The following TTN variants were observed in gnomAD, a reference collection of about 807,000 sequenced individuals.
TTN encodes the protein titin.
Under a neutral mutation model 3,223.0 loss-of-function variants are expected in TTN, and 1,525 were observed. The observed-to-expected ratio is 0.47, with a 90% CI of 0.45 to 0.49. TTN has a LOEUF of 0.49. Among genes scored for constraint, TTN ranks in the 20% least tolerant of loss-of-function variants. The probability of loss-of-function intolerance (pLI) is 0.00; values close to 1 mark genes in which losing one functional copy is unlikely to be tolerated. For synonymous variants in TTN, 14,094 were observed against 15,161.0 expected (o/e 0.93, Z 5.17); for missense variants, 40,786 against 43,424.0 (o/e 0.94, Z 5.40).
chr2:178,731,987 A>T lies in TTN; in HGVS notation c.16904-16T>A. The T allele has an allele frequency of 3.1e-6, 5 of 1,595,854 alleles. No homozygotes were observed. The highest frequency in any genetic ancestry group is 3.4e-6 in the Non-Finnish European group (4 of 1,168,716). On this transcript the variant is annotated splice_polypyrimidine_tract_variant and intron_variant, in intron 57 of 362. Transcript: ENST00000589042. Reference sequence around the variant, plus strand: ...TAAGGTGACTCTACAGTAAAAAAGGAATGATTTGCATTAAGGGAGGAGGGG... The same window carrying T: ...TAAGGTGACTCTACAGTAAAAAAGGTATGATTTGCATTAAGGGAGGAGGGG...
Position 178,632,358 on chromosome 2 carries a change from T to G in TTN, c.43536A>C (p.Glu14512Asp), listed in dbSNP as rs776208084. ...PLKDVTAKEK[E>D]SAVFTVELSH... Reference sequence around the variant, plus strand: ...ATAACTCCACAGTAAATACAGCACTTTCCTTCTCTTTGGCAGTTACATCTT... The same window carrying G: ...ATAACTCCACAGTAAATACAGCACTGTCCTTCTCTTTGGCAGTTACATCTT... The change falls in exon 236 of 363, where the codon GAA becomes GAC. Residue 14512 changes from glutamate to aspartate, a missense_variant. Glu to Asp is a conservative substitution (Grantham distance 45). Transcript: ENST00000589042. 6.2e-7 allele frequency: 1 copy of G among 1,604,550 alleles called. No individual in the cohort carries two copies. Among genetic ancestry groups the G allele is most frequent in the South Asian group, 1.1e-5 (1 of 89,142 alleles).
Position 178,619,866 on chromosome 2 carries a change from C to A in TTN, c.46451G>T (p.Arg15484Met), listed in dbSNP as rs72677229. The part of the protein sequence containing the change: ...FVEEIPVEII[R>M]PPQDILEAPG... Reference sequence around the variant, plus strand: ...GGCTTCAAGAATATCTTGTGGAGGCCTGATGATCTCAACAGGAATTTCTGG... The same window carrying A: ...GGCTTCAAGAATATCTTGTGGAGGCATGATGATCTCAACAGGAATTTCTGG... The change falls in exon 250 of 363, where the codon AGG becomes ATG. Residue 15484 changes from arginine to methionine, a missense_variant. Coordinates refer to ENST00000589042, the MANE Select transcript of TTN (RefSeq NM_001267550.2). 5 of 1,610,584 alleles carry A rather than the reference C, an allele frequency of 3.1e-6. No homozygotes were observed. In the Middle Eastern group the frequency reaches 5.0e-4, roughly 160 times the overall value.
At chr2:178,665,057 TAA>T in intron 165 of TTN, 131 bp from the exon 166 acceptor site, 1 of 1,095,652 alleles carries the variant, frequency 9.1e-7, no homozygotes, top group Non-Finnish European at 1.3e-6. Context: ...ACCAATAGGC[TAA>T]GTCTTTTAAG....
In TTN at chr2:178,739,439, A is replaced by G. The variant is rs745704450; in HGVS notation, c.13794T>C (p.Gly4598=). 1.9e-6 allele frequency: 3 copies of G among 1,613,724 alleles called. No homozygotes were observed. The highest frequency in any genetic ancestry group is 2.2e-5 in the East Asian group (1 of 44,836). Residue 4598 remains glycine (G), a synonymous_variant, in exon 48 of 363, where the codon GGT becomes GGC. Transcript: ENST00000589042. ...VATVKIQEAE[G]GLIKEDGPMI... is the part of the protein sequence containing the mutation. Reference sequence around the variant, plus strand: ...TGGGGCCATCCTCTTTGATTAAGCCACCCTCAGCTTCCTGTATCTTTACTG... The same window carrying G: ...TGGGGCCATCCTCTTTGATTAAGCCGCCCTCAGCTTCCTGTATCTTTACTG...
rs1312886307 is a variant in TTN at position 178,740,455 on chromosome 2, C to T, written c.12778G>A (p.Ala4260Thr). 2 of 1,613,466 alleles carry T rather than the reference C, an allele frequency of 1.2e-6. No homozygotes were observed. Among genetic ancestry groups the T allele is most frequent in the African/African-American group, 1.3e-5 (1 of 74,908 alleles). ...GCTAAGCTCTGACTCAAGATGAGCG[C>T]ACTTTGTGCCTCTTGCTTTTGAAGA... ...VTLQKQEAQS[A>T]LILSQSLAEG... The change falls in exon 48 of 363, where the codon GCG (alanine) becomes ACG (threonine). Residue 4260 changes from alanine (A) to threonine (T), a missense_variant. Ala to Thr is a moderately conservative substitution (Grantham distance 58). Coordinates refer to ENST00000589042, the MANE Select transcript of TTN (RefSeq NM_001267550.2).
intron 143 of TTN, 114 bp from the exon 144 acceptor site, chr2:178,678,611 A>C: frequency 8.8e-7 from 1 of 1,142,046 alleles, no homozygotes; most frequent in Non-Finnish European, 1.2e-6. Context: ...TATTCCAAGA[A>C]GCATTTTATT....
In TTN at chr2:178,588,592, C is replaced by T; in HGVS notation, c.63133G>A (p.Gly21045Arg). 1 of 1,559,006 alleles carries T rather than the reference C, an allele frequency of 6.4e-7. No homozygotes were observed. Among genetic ancestry groups the T allele is most frequent in the Non-Finnish European group, 8.7e-7 (1 of 1,154,288 alleles). Residue 21045 changes from glycine (G) to arginine (R), a missense_variant, in exon 304 of 363, where the codon GGA (glycine) becomes AGA (arginine). Transcript: ENST00000589042. Reference sequence around the variant, plus strand: ...GAAGGCAAGCTTGGTTCTCCAATTCCAATTTCATTTTCTGCCTTGACACGG... The same window carrying T: ...GAAGGCAAGCTTGGTTCTCCAATTCTAATTTCATTTTCTGCCTTGACACGG... ...QFRVKAENEI[G>R]IGEPSLPSRP...
Position 178,608,407 on chromosome 2 carries a change from A to T in TTN, c.52476T>A (p.Asn17492Lys), listed in dbSNP as rs769123120. ...TGGGGCTTCCATTATCTTTTGGTTC[A>T]TTCCATTTCACTAGCATACTGTTGC... The part of the protein sequence containing the change: ...VTSNSMLVKW[N>K]EPKDNGSPIL... The change falls in exon 275 of 363, where the codon AAT (asparagine) becomes AAA (lysine). Residue 17492 changes from asparagine to lysine, a missense_variant. Asn to Lys is a moderately conservative substitution (Grantham distance 94). Coordinates refer to ENST00000589042, the MANE Select transcript of TTN (RefSeq NM_001267550.2). The T allele has an allele frequency of 3.1e-6, 5 of 1,610,178 alleles. No homozygotes were observed. The South Asian group carries it at 3.3e-5, about 11-fold the overall frequency.
chr2:178,544,017 G>A lies in TTN; in HGVS notation c.96127C>T (p.Pro32043Ser). 6.2e-7 allele frequency: 1 copy of A among 1,613,638 alleles called. No individual in the cohort carries two copies. The highest frequency in any genetic ancestry group is 8.5e-7 in the Non-Finnish European group (1 of 1,179,708). Residue 32043 changes from proline to serine, a missense_variant, in exon 346 of 363, where the codon CCT (proline) becomes TCT (serine). By Grantham distance (74) the Pro-to-Ser change is moderately conservative (BLOSUM62 -1). Coordinates refer to ENST00000589042, the MANE Select transcript of TTN (RefSeq NM_001267550.2). ...RLMVSVSGRPPPVITWSKQGI... is the reference protein window; with the variant it reads ...RLMVSVSGRPSPVITWSKQGI... ...TGCTTGCTCCACGTTATGACAGGAG[G>A]TGGTCTTCCAGATACAGACACCATC...
chr2:178,617,086 T>C (rs1306155006), intron 255 of TTN, 34 bp downstream of exon 255: 2 of 1,610,734 alleles, frequency 1.2e-6, no homozygotes, highest in South Asian at 2.2e-5. Flanking sequence ...AGCTATGTGC[T>C]ATTCCCCGAT....
intron 142 of TTN, 61 bp from the exon 143 acceptor site, chr2:178,678,891 C>T (rs1480064649): frequency 1.7e-5 from 24 of 1,426,188 alleles, no homozygotes; most frequent in Non-Finnish European, 2.3e-5. Context: ...GATTTTAAGG[C>T]TGGCAATGTA....
At chr2:178,696,801 T>C (rs13417645) in intron 113 of TTN, among the ~76,000 whole-genome samples, 5,710 of 152,164 alleles carry the variant, frequency 0.038, 287 homozygotes, top group South Asian at 0.15. Flanking sequence ...TTAAAGTTCT[T>C]AAGGGCTCTC....
Position 178,681,094 on chromosome 2 carries a change from C to T in TTN, c.33325G>A (p.Glu11109Lys), listed in dbSNP as rs1420096611. The change falls in exon 138 of 363, where the codon GAA becomes AAA. Residue 11109 changes from glutamate to lysine, a missense_variant. Glu to Lys is a moderately conservative substitution (Grantham distance 56). Transcript: ENST00000589042. ...ATCATTATACCTTTAGCAGCGGGTT[C>T]AGTCACCTGCTCTTTTTCACGTTTG... is the stretch of plus-strand genomic sequence containing the variant. ...ITKREKEQVT[E>K]PAAKVPMKPK... The T allele has an allele frequency of 1.2e-6, 2 of 1,602,050 alleles. No homozygotes were observed. The highest frequency in any genetic ancestry group is 1.7e-6 in the Non-Finnish European group (2 of 1,176,324).
chr2:178,527,708 T>G lies in TTN; in HGVS notation c.107418A>C (p.Thr35806=). The change falls in exon 362 of 363, where the codon ACA becomes ACC. Residue 35806 remains threonine, a synonymous_variant. Transcript: ENST00000589042. The part of the protein sequence containing the change: ...EEPSREVVLR[T]SGDTSLQGSF... ...TTCCTTGCAAGCTTGTGTCACCACTTGTTCTCAATACTACCTCTCTGGAAG... is the reference window on the plus strand; with the variant it reads ...TTCCTTGCAAGCTTGTGTCACCACTGGTTCTCAATACTACCTCTCTGGAAG... The G allele has an allele frequency of 1.2e-6, 2 of 1,612,094 alleles. No homozygotes were observed. Among genetic ancestry groups the G allele is most frequent in the Non-Finnish European group, 1.7e-6 (2 of 1,178,494 alleles).
rs1280304121 is a variant in TTN, at chr2:178,591,805, C to T, written c.60014G>A (p.Gly20005Asp). The change falls in exon 303 of 363, where the codon GGT becomes GAT. Residue 20005 changes from glycine (G) to aspartate (D), a missense_variant. By Grantham distance (94) the Gly-to-Asp change is moderately conservative. Transcript: ENST00000589042. ...SLVWNKPDRD[G>D]GSPITGYLVE... is the part of the protein sequence containing the mutation. Reference sequence around the variant, plus strand: ...CAAATATCCAGTGATTGGAGAACCACCATCACGATCCGGCTTATTCCAGAC... The same window carrying T: ...CAAATATCCAGTGATTGGAGAACCATCATCACGATCCGGCTTATTCCAGAC... The T allele has an allele frequency of 3.7e-6, 6 of 1,613,328 alleles. No individual in the cohort carries two copies. In the South Asian group the frequency reaches 4.4e-5, roughly 12 times the overall value.
chr2:178,590,846 G>C lies in TTN; in HGVS notation c.60879C>G (p.Thr20293=), dbSNP rs1279772354. Residue 20293 remains threonine (T), a synonymous_variant, in exon 304 of 363, where the codon ACC becomes ACG. Transcript: ENST00000589042. ...GACTGCCACCATCAGATTTTGGCAG[G>C]GTCCAAGACACTGTTGCTGCATTTT... is the stretch of plus-strand genomic sequence containing the variant. ...ITENAATVSW[T]LPKSDGGSPI... 2 of 1,606,326 alleles carry C rather than the reference G, an allele frequency of 1.2e-6. No homozygotes were observed. The highest frequency in any genetic ancestry group is 2.2e-5 in the East Asian group (1 of 44,520).
intron 1 of TTN, among the ~76,000 whole-genome samples, chr2:178,805,259 G>T (rs548828468): frequency 6.7e-6 from 1 of 149,174 alleles, no homozygotes; most frequent in East Asian, 2.0e-4. Flanking sequence ...CATGAGAATT[G>T]CTTAAACCCA....
In TTN at chr2:178,794,333, G is replaced by A. The variant is rs2093659087; in HGVS notation, c.1398+66C>T. Reference sequence around the variant, plus strand: ...AGCTGCATGCCAAGCTCAGTGGATGGTGGTTGAGTTAATGTGCACTGAAGG... The same window carrying A: ...AGCTGCATGCCAAGCTCAGTGGATGATGGTTGAGTTAATGTGCACTGAAGG... On this transcript the variant is annotated intron_variant, in intron 8 of 362. Coordinates refer to ENST00000589042, the MANE Select transcript of TTN (RefSeq NM_001267550.2). 1.9e-6 allele frequency: 3 copies of A among 1,604,540 alleles called. No homozygotes were observed. The Admixed American group carries it at 5.0e-5, about 27-fold the overall frequency.
At chr2:178,684,481 G>C in intron 131 of TTN, 68 bp from the exon 132 acceptor site, 1 of 1,508,004 alleles carries the variant, frequency 6.6e-7, no homozygotes. Flanking sequence ...TAGCCAGAAA[G>C]TACTGTGATT....
Sources: allele counts gnomAD v4.1 joint callset (sites outside exome capture counted in the v4.1 genomes callset), GRCh38; gene constraint gnomAD v4.1.1; transcripts MANE v1.5; gene names NCBI Gene and HGNC (gene_info 2026-07-23, HGNC 2026-07-21).